The following TPRG1 variants were observed in gnomAD, a reference collection of about 807,000 sequenced individuals.
TPRG1 encodes tumor protein p63-regulated gene 1 protein.
Under a neutral mutation model 29.3 loss-of-function variants are expected in TPRG1, and 29 were observed. That is an observed-to-expected ratio of 0.99 (90% CI 0.74 to 1.35). The LOEUF (loss-of-function observed/expected upper bound fraction) is 1.35, where lower values mean the gene tolerates loss of function less well. TPRG1 is among the 40% of genes most tolerant of loss of function. The pLI is 0.00. For synonymous variants in TPRG1, 130 were observed against 116.8 expected, an observed-to-expected ratio of 1.11 and a Z score of -0.73; for missense variants, 327 against 335.0, an observed-to-expected ratio of 0.98 and a Z score of 0.19.
At chr3:189,142,442 C>G (rs1724701047) in intron 3 of TPRG1, among the ~76,000 whole-genome samples, 1 of 152,062 alleles carries the variant, frequency 6.6e-6, no homozygotes, top group Admixed American at 6.5e-5. Flanking sequence ...TAGATCCTAC[C>G]CCCTGCCCCC....
At chr3:189,231,076 A>G (rs967645365) in intron 3 of TPRG1, among the ~76,000 whole-genome samples, 5 of 152,116 alleles carry the variant, frequency 3.3e-5, no homozygotes, top group Non-Finnish European at 5.9e-5. Context: ...CTTACTTATA[A>G]GGTGTTCCAC....
At chr3:189,228,707 G>T (rs4687034) in intron 3 of TPRG1, among the ~76,000 whole-genome samples, 6 of 151,820 alleles carry the variant, frequency 4.0e-5, no homozygotes, top group Admixed American at 6.6e-5. Flanking sequence ...CAAGGAAAGC[G>T]TATTCATTCT....
At position 189,259,655 on chromosome 3, in the gene TPRG1, A is replaced by G. The variant is rs529475205; in HGVS notation, c.479+20746A>G. Among the ~76,000 whole-genome samples the G allele has an allele frequency of 3.3e-5, 5 of 151,768 alleles. No homozygotes were observed. The East Asian group carries it at 9.8e-4, about 30-fold the overall frequency. ...TGATAATTTTTTGTATTTTTGGTAG[A>G]GACGGGGTTTCAGCACGTTGGCCAG... On this transcript the variant is annotated intron_variant, in intron 4 of 5. Transcript: ENST00000345063.
At chr3:189,275,651 G>A (rs1040120137) in intron 4 of TPRG1, among the ~76,000 whole-genome samples, 4 of 152,012 alleles carry the variant, frequency 2.6e-5, no homozygotes, top group Non-Finnish European at 5.9e-5. Context: ...AGGTATTGTG[G>A]ATGTGATAAA....
chr3:189,223,985 A>C (rs904867709), intron 3 of TPRG1, among the ~76,000 whole-genome samples: 1 of 152,178 alleles, frequency 6.6e-6, no homozygotes, highest in Non-Finnish European at 1.5e-5. Flanking sequence ...AATAAGACAC[A>C]GTTTCTCTCC....
intron 5 of TPRG1, among the ~76,000 whole-genome samples, chr3:189,314,995 T>C (rs1293072922): frequency 6.6e-6 from 1 of 152,104 alleles, no homozygotes; most frequent in African/African-American, 2.4e-5. Flanking sequence ...CATGGTGGCA[T>C]GTACCAGTAT....
chr3:189,230,263 T>G (rs1442554117), intron 3 of TPRG1, among the ~76,000 whole-genome samples: 1 of 152,024 alleles, frequency 6.6e-6, no homozygotes, highest in African/African-American at 2.4e-5. Flanking sequence ...GTAAGGAAAA[T>G]AAGTGGGAAA....
chr3:189,160,824 T>C (rs1235368260), intron 5 of TPRG1, among the ~76,000 whole-genome samples: 1 of 152,258 alleles, frequency 6.6e-6, no homozygotes, highest in Non-Finnish European at 1.5e-5. Flanking sequence ...GTTCTTCATA[T>C]TCAAGGTAGT....
intron 4 of TPRG1, among the ~76,000 whole-genome samples, chr3:189,150,022 C>G (rs1037882116): frequency 6.6e-6 from 1 of 152,150 alleles, no homozygotes; most frequent in African/African-American, 2.4e-5. Context: ...TTTGATGTAC[C>G]CAGTGCCAAA....
At chr3:189,315,078 C>G (rs1012744361) in intron 5 of TPRG1, among the ~76,000 whole-genome samples, 1 of 152,042 alleles carries the variant, frequency 6.6e-6, no homozygotes, top group East Asian at 1.9e-4. Flanking sequence ...CCCAGGAGTT[C>G]GAGTCTGCAG....
chr3:189,069,320 A>C (rs1199094129), intron 4 of TPRG1, among the ~76,000 whole-genome samples: 1 of 152,196 alleles, frequency 6.6e-6, no homozygotes, highest in Non-Finnish European at 1.5e-5. Context: ...GAAATGGAGA[A>C]CAGGTTAATG....
At chr3:189,189,752 T>G (rs1731434032) in intron 1 of TPRG1, among the ~76,000 whole-genome samples, 1 of 152,228 alleles carries the variant, frequency 6.6e-6, no homozygotes, top group Admixed American at 6.5e-5. Flanking sequence ...AAATTGAAGA[T>G]TCTATATTCT....
At chr3:189,144,959 T>G (rs547475350) in intron 3 of TPRG1, among the ~76,000 whole-genome samples, 9 of 152,320 alleles carry the variant, frequency 5.9e-5, no homozygotes, top group Non-Finnish European at 1.0e-4. Flanking sequence ...TGCTAACTGT[T>G]CCATGTAAGC....
intron 4 of TPRG1, among the ~76,000 whole-genome samples, chr3:189,091,498 C>T (rs1263063801): frequency 3.9e-5 from 6 of 152,116 alleles, no homozygotes; most frequent in African/African-American, 7.2e-5. Context: ...TTCCAATACC[C>T]CGTTAGTCAT....
At chr3:189,295,190 C>T (rs934070014) in intron 4 of TPRG1, among the ~76,000 whole-genome samples, 6 of 152,148 alleles carry the variant, frequency 3.9e-5, no homozygotes, top group Non-Finnish European at 8.8e-5. Context: ...GGAATCTGCC[C>T]TCTGTAATGA....
intron 1 of TPRG1, among the ~76,000 whole-genome samples, chr3:189,108,623 C>T (rs115806749): frequency 0.01 from 1,538 of 151,450 alleles, 27 homozygotes; most frequent in African/African-American, 0.034. Context: ...TTCTTTTTCA[C>T]TTAGTTCACA....
At chr3:189,053,584 TTC>T (rs551620597) in intron 4 of TPRG1, among the ~76,000 whole-genome samples, 87 of 152,250 alleles carry the variant, frequency 5.7e-4, no homozygotes, top group Middle Eastern at 6.8e-3. Flanking sequence ...CCTCCCTAAT[TTC>T]TGTTTTCCCA....
chr3:188,998,287 G>C (rs1283083266), intron 1 of TPRG1, among the ~76,000 whole-genome samples: 4 of 152,238 alleles, frequency 2.6e-5, no homozygotes, highest in Admixed American at 2.6e-4. Flanking sequence ...TCAAATGTGA[G>C]CTGTAGCTTA....
At chr3:189,117,958 T>C (rs1165801218) in intron 1 of TPRG1, among the ~76,000 whole-genome samples, 1 of 152,102 alleles carries the variant, frequency 6.6e-6, no homozygotes, top group Non-Finnish European at 1.5e-5. Flanking sequence ...AACGTGGAAG[T>C]GACTTTGGAA....
Sources: allele counts gnomAD v4.1 joint callset (sites outside exome capture counted in the v4.1 genomes callset), GRCh38; gene constraint gnomAD v4.1.1; transcripts MANE v1.5; gene names NCBI Gene and HGNC (gene_info 2026-07-23, HGNC 2026-07-21).